PPARGC1A: variants seen among roughly 807,000 people sequenced by gnomAD.
PPARGC1A encodes the protein peroxisome proliferator-activated receptor gamma coactivator 1-alpha.
PPARGC1A carries 25 observed loss-of-function variants against 88.7 expected under a neutral mutation model. The observed-to-expected ratio is 0.28, with a 90% CI of 0.21 to 0.39. The LOEUF is 0.39. PPARGC1A is among the 10% of genes least tolerant of loss of function. The pLI, the probability that PPARGC1A is intolerant of heterozygous loss-of-function variation, is 1.00. For missense variants in PPARGC1A, 880 were observed against 968.7 expected (o/e 0.91, Z 1.22); for synonymous variants, 363 against 355.6 (o/e 1.02, Z -0.24).
chr4:24,461,228 G>A, the PPARGC1A span, among the ~76,000 whole-genome samples: 599 of 152,278 alleles, frequency 3.9e-3, 4 homozygotes, highest in African/African-American at 0.014. Flanking sequence ...TGCCTAGGGC[G>A]GATTTTAAAT....
the PPARGC1A span, among the ~76,000 whole-genome samples, chr4:24,355,020 G>C: frequency 1.3e-5 from 2 of 152,156 alleles, no homozygotes; most frequent in Non-Finnish European, 2.9e-5. Flanking sequence ...GTGATCTGCC[G>C]CTAGCCAAGA....
the PPARGC1A span, among the ~76,000 whole-genome samples, chr4:24,472,113 G>A: frequency 6.6e-6 from 1 of 152,218 alleles, no homozygotes; most frequent in Admixed American, 6.5e-5. The surrounding 1 kb of genome is among the most constrained non-coding windows in gnomAD (Gnocchi z 4.5). Flanking sequence ...GGTTCCCGCT[G>A]GGCTGGGAGG....
chr4:24,249,190 A>C, the PPARGC1A span, among the ~76,000 whole-genome samples: 4 of 152,180 alleles, frequency 2.6e-5, no homozygotes, highest in Admixed American at 2.6e-4. Flanking sequence ...CCTGAACTAA[A>C]TCCCAGTGGA....
the PPARGC1A span, among the ~76,000 whole-genome samples, chr4:24,010,791 T>C: frequency 6.6e-6 from 1 of 152,190 alleles, no homozygotes; most frequent in African/African-American, 2.4e-5. Context: ...GCAGACTACA[T>C]TCCTGTAATA....
the PPARGC1A span, among the ~76,000 whole-genome samples, chr4:24,124,111 T>A: frequency 6.6e-6 from 1 of 152,078 alleles, no homozygotes; most frequent in Admixed American, 6.6e-5. Flanking sequence ...TGGCTGTGAA[T>A]ACCACCTTCA....
At chr4:24,075,491 C>G in the PPARGC1A span, among the ~76,000 whole-genome samples, 3 of 152,148 alleles carry the variant, frequency 2.0e-5, no homozygotes, top group Admixed American at 2.0e-4. Flanking sequence ...GCTGCTACTG[C>G]TAATCCTGCT....
chr4:23,990,310 T>C, the PPARGC1A span, among the ~76,000 whole-genome samples: 1 of 151,332 alleles, frequency 6.6e-6, no homozygotes, highest in Non-Finnish European at 1.5e-5. Context: ...ATATCAATAA[T>C]AGTAAATTTT....
intron 3 of PPARGC1A, among the ~76,000 whole-genome samples, chr4:23,830,829 TTCTC>T (rs1724863916): frequency 6.6e-6 from 1 of 152,152 alleles, no homozygotes; most frequent in Non-Finnish European, 1.5e-5. Context: ...GAACAGAAAA[TTCTC>T]TCTTCATTTC....
At chr4:24,004,939 G>A in the PPARGC1A span, among the ~76,000 whole-genome samples, 6 of 152,112 alleles carry the variant, frequency 3.9e-5, no homozygotes, top group Non-Finnish European at 8.8e-5. Context: ...TTGTAGGTAC[G>A]CAAGAAATGT....
intron 10 of PPARGC1A, among the ~76,000 whole-genome samples, chr4:23,811,757 T>A (rs1392690149): frequency 2.0e-5 from 3 of 152,140 alleles, no homozygotes; most frequent in African/African-American, 7.2e-5. Flanking sequence ...GCACTGTCTA[T>A]ATGTCAAGTT....
chr4:24,228,120 G>C, the PPARGC1A span, among the ~76,000 whole-genome samples: 1 of 152,100 alleles, frequency 6.6e-6, no homozygotes, highest in African/African-American at 2.4e-5. Context: ...GTGGGATGGG[G>C]GAACATCCTG....
the PPARGC1A span, among the ~76,000 whole-genome samples, chr4:24,125,196 T>G: frequency 1.9e-4 from 29 of 152,302 alleles, no homozygotes; most frequent in African/African-American, 7.0e-4. Flanking sequence ...TTATACATCT[T>G]AAATTAATAG....
At chr4:23,989,100 G>C in the PPARGC1A span, among the ~76,000 whole-genome samples, 3 of 151,436 alleles carry the variant, frequency 2.0e-5, no homozygotes, top group African/African-American at 7.3e-5. Context: ...CAAAAGCAAG[G>C]CTGGAAAGGT....
the PPARGC1A span, among the ~76,000 whole-genome samples, chr4:24,053,317 T>C: frequency 6.6e-6 from 1 of 152,128 alleles, no homozygotes; most frequent in Non-Finnish European, 1.5e-5. Flanking sequence ...AAAGGCTTAC[T>C]CAAATAGCCT....
chr4:24,084,318 A>C, the PPARGC1A span, among the ~76,000 whole-genome samples: 6 of 152,228 alleles, frequency 3.9e-5, no homozygotes, highest in Admixed American at 3.9e-4. Context: ...AAACTCAAGA[A>C]GACAGAAATG....
chr4:24,034,778 A>G, the PPARGC1A span, among the ~76,000 whole-genome samples: 1 of 152,224 alleles, frequency 6.6e-6, no homozygotes, highest in East Asian at 1.9e-4. Context: ...AAAGTAAGTG[A>G]TTGAGAATAA....
chr4:23,895,997 C>G (rs1437614233), intron 1 of PPARGC1A, among the ~76,000 whole-genome samples: 1 of 143,800 alleles, frequency 7.0e-6, no homozygotes, highest in African/African-American at 2.6e-5. Flanking sequence ...TATATACACA[C>G]ACATATTTAT....
At chr4:24,348,300 G>A in the PPARGC1A span, among the ~76,000 whole-genome samples, 2 of 152,130 alleles carry the variant, frequency 1.3e-5, no homozygotes, top group African/African-American at 4.8e-5. Flanking sequence ...AGATCTTTTT[G>A]CAATGAATTT....
the PPARGC1A span, among the ~76,000 whole-genome samples, chr4:24,384,455 A>G: frequency 1.3e-5 from 2 of 151,942 alleles, no homozygotes; most frequent in African/African-American, 4.8e-5. Context: ...GATGGAGTCA[A>G]GACCTATCAA....
Sources: gnomAD v4.1 joint callset for allele counts (sites outside exome capture counted in the v4.1 genomes callset) on GRCh38, gnomAD v4.1.1 for gene constraint, Gnocchi (gnomAD v3.1) non-coding constraint, MANE v1.5 for transcripts, NCBI Gene and HGNC (gene_info 2026-07-23, HGNC 2026-07-21) for gene names.